Variants in ERBB4 observed in about 807,000 individuals in gnomAD.
ERBB4 encodes erb-b2 receptor tyrosine kinase 4, also known as receptor tyrosine-protein kinase erbB-4.
A neutral mutation model predicts 158.0 loss-of-function variants in ERBB4; 42 were observed. The ratio of observed to expected loss-of-function variants is 0.27; its 90% CI spans 0.21 to 0.34. The LOEUF (loss-of-function observed/expected upper bound fraction) is 0.34. Ranked by LOEUF, ERBB4 falls within the 10% of genes least tolerant of loss-of-function variation. The pLI, the probability that ERBB4 is intolerant of heterozygous loss-of-function variation, is 1.00. For synonymous variants in ERBB4, 583 were observed against 558.7 expected, an observed-to-expected ratio of 1.04 and a Z score of -0.61; for missense variants, 1,333 against 1,624.1, an observed-to-expected ratio of 0.82 and a Z score of 3.08.
intron 3 of ERBB4, among the ~76,000 whole-genome samples, chr2:211,810,492 G>T (rs559348792): frequency 5.3e-5 from 8 of 151,866 alleles, no homozygotes; most frequent in African/African-American, 1.9e-4. Context: ...AGTCTGTTTT[G>T]TCAGAGACTA....
At chr2:212,259,247 T>C (rs2084847525) in intron 1 of ERBB4, among the ~76,000 whole-genome samples, 1 of 152,182 alleles carries the variant, frequency 6.6e-6, no homozygotes, top group African/African-American at 2.4e-5. Context: ...ATTTAAGAAA[T>C]CTATTAACCA....
intron 19 of ERBB4, among the ~76,000 whole-genome samples, chr2:211,589,349 T>C (rs975748442): frequency 6.6e-6 from 1 of 152,156 alleles, no homozygotes; most frequent in Admixed American, 6.5e-5. Context: ...CTGAAGATAA[T>C]TGTCGAGTCA....
chr2:211,532,863 G>A (rs1050941653), intron 20 of ERBB4, among the ~76,000 whole-genome samples: 1 of 151,706 alleles, frequency 6.6e-6, no homozygotes, highest in Non-Finnish European at 1.5e-5. Flanking sequence ...TCAAATATAT[G>A]CTATTCTTCA....
intron 2 of ERBB4, among the ~76,000 whole-genome samples, chr2:212,037,103 G>T (rs2077033350): frequency 2.1e-5 from 1 of 48,478 alleles, no homozygotes; most frequent in South Asian, 1.6e-3. Flanking sequence ...AAACAATTTT[G>T]AAGGGTTTTT....
At chr2:212,320,634 T>C (rs998153566) in intron 1 of ERBB4, among the ~76,000 whole-genome samples, 2 of 149,684 alleles carry the variant, frequency 1.3e-5, no homozygotes, top group African/African-American at 4.9e-5. Context: ...TTGAGGGTGC[T>C]ACCAAAAAGA....
At chr2:212,202,932 C>T (rs962813982) in intron 1 of ERBB4, among the ~76,000 whole-genome samples, 9 of 151,590 alleles carry the variant, frequency 5.9e-5, no homozygotes, top group African/African-American at 2.2e-4. Context: ...AATAGTATTA[C>T]ATTAATAACA....
intron 1 of ERBB4, among the ~76,000 whole-genome samples, chr2:212,249,834 C>T (rs896609753): frequency 1.3e-5 from 2 of 151,788 alleles, no homozygotes; most frequent in African/African-American, 4.8e-5. Flanking sequence ...AGAAATCAGC[C>T]GACATTTTTT....
At chr2:212,362,039 T>G (rs981524425) in intron 1 of ERBB4, among the ~76,000 whole-genome samples, 1 of 151,656 alleles carries the variant, frequency 6.6e-6, no homozygotes, top group Non-Finnish European at 1.5e-5. Context: ...TTTTTTTTAC[T>G]GAGGTTAGGT....
intron 20 of ERBB4, among the ~76,000 whole-genome samples, chr2:211,432,627 A>G (rs1220930983): frequency 6.6e-6 from 1 of 151,776 alleles, no homozygotes; most frequent in Non-Finnish European, 1.5e-5. Flanking sequence ...AAAACAAATA[A>G]ATGCATTGCC....
In ERBB4 at chr2:211,469,981, G is replaced by A. The variant is rs577698860; in HGVS notation, c.2488-38881C>T. On this transcript the variant is annotated intron_variant, in intron 20 of 27. Coordinates refer to ENST00000342788, the MANE Select transcript of ERBB4 (RefSeq NM_005235.3). Reference sequence around the variant, plus strand: ...GATACCTGAGGAATTGGGGTATTCCGGTTATAATCATATACTTGAAAACAT... The same window carrying A: ...GATACCTGAGGAATTGGGGTATTCCAGTTATAATCATATACTTGAAAACAT... 9.2e-5 allele frequency among the ~76,000 whole-genome samples: 14 copies of A among 151,924 alleles called. No homozygotes were observed. The East Asian group carries it at 9.7e-4, about 11-fold the overall frequency.
chr2:211,844,992 T>C (rs533852953), intron 3 of ERBB4, among the ~76,000 whole-genome samples: 2 of 152,236 alleles, frequency 1.3e-5, no homozygotes, highest in South Asian at 2.1e-4. Context: ...ATGGAAGTCA[T>C]GATGGTGTTC....
intron 1 of ERBB4, among the ~76,000 whole-genome samples, chr2:212,373,566 G>A (rs1051091560): frequency 1.3e-5 from 2 of 151,386 alleles, no homozygotes; most frequent in Non-Finnish European, 3.0e-5. Flanking sequence ...AAAGTACTAA[G>A]AATAATGTAG....
At chr2:211,687,705 C>A (rs1382115310) in intron 12 of ERBB4, among the ~76,000 whole-genome samples, 1 of 151,872 alleles carries the variant, frequency 6.6e-6, no homozygotes, top group Non-Finnish European at 1.5e-5. Flanking sequence ...GTTGGGGATT[C>A]TGAGTTGCCA....
intron 3 of ERBB4, among the ~76,000 whole-genome samples, chr2:211,900,558 CG>C (rs148424238): frequency 0.059 from 8,921 of 152,118 alleles, 409 homozygotes; most frequent in Middle Eastern, 0.095. Flanking sequence ...TATTGAAAAG[CG>C]GGTCCTTCAA....
chr2:212,039,835 C>A (rs1480349817), intron 2 of ERBB4, among the ~76,000 whole-genome samples: 3 of 151,622 alleles, frequency 2.0e-5, no homozygotes, highest in Non-Finnish European at 4.4e-5. Flanking sequence ...ATGCCTACCA[C>A]CACAAAAAAA....
chr2:212,500,312 G>A (rs1690816549), intron 1 of ERBB4, among the ~76,000 whole-genome samples: 1 of 151,806 alleles, frequency 6.6e-6, no homozygotes. Flanking sequence ...TAATCACCCG[G>A]TAATTAAAAC....
At chr2:211,496,628 ATTAT>A (rs1263590838) in intron 20 of ERBB4, among the ~76,000 whole-genome samples, 3 of 151,778 alleles carry the variant, frequency 2.0e-5, no homozygotes, top group Non-Finnish European at 4.4e-5. Flanking sequence ...TCTCACCTCA[ATTAT>A]TTGATTACTG....
chr2:211,915,300 C>T lies in ERBB4; in HGVS notation c.421+32130G>A, dbSNP rs562101110. 4.4e-4 allele frequency among the ~76,000 whole-genome samples: 67 copies of T among 152,100 alleles called. 1 individual carries two copies. Among genetic ancestry groups the T allele is most frequent in the Admixed American group, 1.9e-3 (29 of 15,274 alleles). ...TTTATTTTTCCAACTCAAATTGCACCACTTTCCCACAGCAATCATTTATTC... is the reference window on the plus strand; with the variant it reads ...TTTATTTTTCCAACTCAAATTGCACTACTTTCCCACAGCAATCATTTATTC... On this transcript the variant is annotated intron_variant, in intron 3 of 27. Coordinates refer to ENST00000342788, the MANE Select transcript of ERBB4 (RefSeq NM_005235.3).
chr2:211,900,435 G>T (rs1476368379), intron 3 of ERBB4, among the ~76,000 whole-genome samples: 1 of 150,968 alleles, frequency 6.6e-6, no homozygotes, highest in Non-Finnish European at 1.5e-5. Flanking sequence ...CTAGAACATA[G>T]ATGAAAGTAA....
Sources: allele counts gnomAD v4.1 joint callset (sites outside exome capture counted in the v4.1 genomes callset), GRCh38; gene constraint gnomAD v4.1.1; transcripts MANE v1.5; gene names NCBI Gene and HGNC (gene_info 2026-07-23, HGNC 2026-07-21).